GABRB3: variants seen among roughly 807,000 people sequenced by gnomAD.
GABRB3 encodes the protein gamma-aminobutyric acid receptor subunit beta-3.
Under a neutral mutation model 52.1 loss-of-function variants are expected in GABRB3, and 14 were observed. The observed-to-expected ratio is 0.27, with a 90% CI of 0.18 to 0.42. The LOEUF is 0.42. Among genes scored for constraint, GABRB3 ranks in the 10% least tolerant of loss-of-function variants. The pLI, the probability that GABRB3 is intolerant of heterozygous loss-of-function variation, is 1.00. For synonymous variants in GABRB3, 260 were observed against 232.3 expected (o/e 1.12, Z -1.08); for missense variants, 307 against 609.1 (o/e 0.50, Z 5.22).
At chr15:26,649,692 G>GTGTGTA (rs1289773679) in intron 3 of GABRB3, among the ~76,000 whole-genome samples, 4 of 151,554 alleles carry the variant, frequency 2.6e-5, no homozygotes, top group Admixed American at 2.0e-4. Flanking sequence ...GTGTGTGTGT[G>GTGTGTA]TGTGAAATTA....
chr15:26,643,638 G>A (rs1893272518), intron 3 of GABRB3, among the ~76,000 whole-genome samples: 1 of 152,020 alleles, frequency 6.6e-6, no homozygotes, highest in Non-Finnish European at 1.5e-5. Context: ...GTGTGTGTGT[G>A]TGTGTGTGTG....
intron 5 of GABRB3, chr15:26,581,030 C>T (rs1440369259): frequency 4.9e-5 from 12 of 246,904 alleles, no homozygotes; most frequent in Non-Finnish European, 9.5e-5. Context: ...TGGGATATTC[C>T]TGACCCTTAG....
intron 3 of GABRB3, among the ~76,000 whole-genome samples, chr15:26,652,429 C>T (rs185142173): frequency 1.2e-4 from 19 of 152,260 alleles, no homozygotes; most frequent in African/African-American, 4.6e-4. Context: ...ATTTGGTTTT[C>T]TTATAATCAT....
At chr15:26,754,818 G>C (rs1443277285) in intron 3 of GABRB3, among the ~76,000 whole-genome samples, 2 of 152,104 alleles carry the variant, frequency 1.3e-5, no homozygotes, top group Non-Finnish European at 2.9e-5. Context: ...GTTCCTCTCA[G>C]TGCCAAGCCT....
At chr15:26,669,695 T>C (rs1193395057) in intron 3 of GABRB3, among the ~76,000 whole-genome samples, 1 of 152,122 alleles carries the variant, frequency 6.6e-6, no homozygotes, top group Non-Finnish European at 1.5e-5. Context: ...TCCCTTTCTT[T>C]GACCTTTTCT....
chr15:26,694,407 A>G (rs1346598689), intron 3 of GABRB3, among the ~76,000 whole-genome samples: 2 of 152,204 alleles, frequency 1.3e-5, no homozygotes, highest in African/African-American at 2.4e-5. Context: ...CTCTTGTGTA[A>G]TAACAAGGAA....
chr15:26,678,978 C>A (rs577361532), intron 3 of GABRB3, among the ~76,000 whole-genome samples: 25 of 152,244 alleles, frequency 1.6e-4, no homozygotes, highest in African/African-American at 4.6e-4. Flanking sequence ...TCAAGGGAGG[C>A]TGTTCTCTGC....
intron 6 of GABRB3, among the ~76,000 whole-genome samples, chr15:26,577,578 T>C (rs1890638941): frequency 6.6e-6 from 1 of 151,820 alleles, no homozygotes; most frequent in Non-Finnish European, 1.5e-5. Flanking sequence ...TGCAACTTGG[T>C]ACATCATAGT....
At position 26,749,632 on chromosome 15, in the gene GABRB3, C is replaced by T. The variant is rs1296147409; in HGVS notation, c.240+22770G>A. Among the ~76,000 whole-genome samples the T allele has an allele frequency of 3.3e-5, 5 of 152,304 alleles. No individual in the cohort carries two copies. The East Asian group carries it at 9.7e-4, about 29-fold the overall frequency. Reference sequence around the variant, plus strand: ...GAAAGATTAGCTCCCAGCTTGACTGCTGAAACGAGGAGGAAGTGCATGCAG... The same window carrying T: ...GAAAGATTAGCTCCCAGCTTGACTGTTGAAACGAGGAGGAAGTGCATGCAG... On this transcript the variant is annotated intron_variant, in intron 3 of 8. Coordinates refer to ENST00000311550, the MANE Select transcript of GABRB3 (RefSeq NM_000814.6).
intron 3 of GABRB3, among the ~76,000 whole-genome samples, chr15:26,686,051 T>C (rs1360853223): frequency 6.6e-6 from 1 of 152,202 alleles, no homozygotes; most frequent in Admixed American, 6.5e-5. Flanking sequence ...CCTCAAGCTA[T>C]CTTCCTTCAG....
intron 3 of GABRB3, among the ~76,000 whole-genome samples, chr15:26,756,037 A>C (rs1890650108): frequency 2.0e-5 from 3 of 152,206 alleles, no homozygotes; most frequent in Admixed American, 2.0e-4. Flanking sequence ...TAAAAGTATG[A>C]TAGTAACTTG....
intron 3 of GABRB3, among the ~76,000 whole-genome samples, chr15:26,753,860 C>A (rs1890584369): frequency 6.6e-6 from 1 of 152,058 alleles, no homozygotes; most frequent in Non-Finnish European, 1.5e-5. Flanking sequence ...ACAGGTAAAC[C>A]AATGCTGTTG....
At chr15:26,554,021 T>TATATATATATATATATATATATATATATA (rs1555400757) in intron 8 of GABRB3, among the ~76,000 whole-genome samples, 1 of 23,668 alleles carries the variant, frequency 4.2e-5, no homozygotes, top group African/African-American at 1.8e-4. Context: ...ACCTGACTAT[T>TATATATATATATATATATATATATATATA]TATATATATA....
chr15:26,587,696 G>A (rs1224288184), intron 4 of GABRB3, among the ~76,000 whole-genome samples: 1 of 152,144 alleles, frequency 6.6e-6, no homozygotes, highest in Non-Finnish European at 1.5e-5. Context: ...TTTCACAGAC[G>A]GTAGAACTGA....
In GABRB3 at chr15:26,615,538, A is replaced by G. The variant is rs957811236; in HGVS notation, c.461+5776T>C. The G allele has an allele frequency of 6.7e-6, 5 of 749,280 alleles. No homozygotes were observed. In the African/African-American group the frequency reaches 9.5e-5, roughly 14 times the overall value. The allele number at this position is 749,280 out of a possible 1,614,324, so 46.4% of individuals were successfully genotyped here. A position where few individuals can be genotyped will look rare whatever the true frequency, so the allele number is the denominator to read the frequency against. ...CTTTTATCACTACAAGAATGTGATC[A>G]CTCTCAAGCATCTGCGTGAGTGGTC... On this transcript the variant is annotated intron_variant, in intron 4 of 8. Transcript: ENST00000311550.
intron 8 of GABRB3, among the ~76,000 whole-genome samples, chr15:26,549,507 A>G (rs1268328698): frequency 6.6e-6 from 1 of 152,172 alleles, no homozygotes; most frequent in Non-Finnish European, 1.5e-5. Context: ...GGTGGTCATC[A>G]GGGTAATGGC....
intron 8 of GABRB3, among the ~76,000 whole-genome samples, chr15:26,548,834 T>C (rs1472950759): frequency 1.3e-5 from 2 of 152,238 alleles, no homozygotes; most frequent in Admixed American, 1.3e-4. Flanking sequence ...CAAAGGTCCA[T>C]TCTGTTTGTG....
At chr15:26,573,469 C>T (rs2140712806) in intron 6 of GABRB3, among the ~76,000 whole-genome samples, 1 of 152,252 alleles carries the variant, frequency 6.6e-6, no homozygotes, top group Admixed American at 6.5e-5. Flanking sequence ...TAATCCTCCA[C>T]AGAAAAACCA....
At chr15:26,617,262 G>A (rs932695787) in intron 4 of GABRB3, among the ~76,000 whole-genome samples, 7 of 152,070 alleles carry the variant, frequency 4.6e-5, no homozygotes, top group South Asian at 2.1e-4. Flanking sequence ...ACCAGGATCC[G>A]AATCCAGCAG....
Sources: gnomAD v4.1 joint callset for allele counts (sites outside exome capture counted in the v4.1 genomes callset) on GRCh38, gnomAD v4.1.1 for gene constraint, MANE v1.5 for transcripts, NCBI Gene and HGNC (gene_info 2026-07-23, HGNC 2026-07-21) for gene names.